Variants in HDAC9 observed in about 807,000 individuals in gnomAD.
HDAC9 encodes the protein histone deacetylase 9.
In HDAC9, 41 loss-of-function variants were observed where a neutral mutation model predicts 139.4. The observed-to-expected ratio is 0.29, with a 90% CI of 0.23 to 0.38. HDAC9 has a LOEUF of 0.38. Among genes scored for constraint, HDAC9 ranks in the 10% least tolerant of loss-of-function variants. HDAC9 has a pLI of 1.00. For missense variants in HDAC9, 1,147 were observed against 1,297.0 expected (o/e 0.88, Z 1.78); for synonymous variants, 517 against 476.2 (o/e 1.09, Z -1.12).
chr7:18,484,850 C>A (rs1368618521), intron 1 of HDAC9, among the ~76,000 whole-genome samples: 1 of 138,934 alleles, frequency 7.2e-6, no homozygotes, highest in Non-Finnish European at 1.6e-5. Context: ...AAGACCCCAC[C>A]TGTAAAAAAA....
At chr7:18,301,183 C>T (rs1798514757) in intron 1 of HDAC9, among the ~76,000 whole-genome samples, 1 of 151,794 alleles carries the variant, frequency 6.6e-6, no homozygotes, top group Admixed American at 6.6e-5. Flanking sequence ...AATAATATTC[C>T]CTCAAGTTAA....
In HDAC9 at chr7:18,869,147, G is replaced by GGTGTGTGTGTGTGTGT. The variant is rs58034239; in HGVS notation, c.2685-5306_2685-5291dup. ...GGGAAATTCCTGGACTCACAATTGG[G>GGTGTGTGTGTGTGTGT]GTGTGTGTGTGTGTGTGTGTGTGTG... On this transcript the variant is annotated intron_variant, in intron 21 of 25. Coordinates refer to ENST00000686413, the MANE Select transcript of HDAC9 (RefSeq NM_178425.4). Among the ~76,000 whole-genome samples the GGTGTGTGTGTGTGTGT allele has an allele frequency of 3.4e-3, 476 of 138,210 alleles. 1 individual carries two copies. The highest frequency in any genetic ancestry group is 0.013 in the African/African-American group (456 of 36,304). The allele number at this position is 138,210 out of a possible 152,430, so 90.7% of individuals were successfully genotyped here. A position where few individuals can be genotyped will look rare whatever the true frequency, so the allele number is the denominator to read the frequency against.
At chr7:18,992,721 T>G (rs748253393) in intron 25 of HDAC9, among the ~76,000 whole-genome samples, 5 of 152,192 alleles carry the variant, frequency 3.3e-5, no homozygotes, top group Non-Finnish European at 7.3e-5. Flanking sequence ...TTTTTTACTT[T>G]TGTAAATTAT....
chr7:18,595,427 T>G (rs1562505211), intron 6 of HDAC9, among the ~76,000 whole-genome samples: 2 of 151,984 alleles, frequency 1.3e-5, no homozygotes, highest in Non-Finnish European at 1.5e-5. Flanking sequence ...ATGAGTATAG[T>G]TTATGAAAAG....
chr7:18,571,616 ATT>A (rs1379590092), intron 2 of HDAC9, among the ~76,000 whole-genome samples: 20 of 151,500 alleles, frequency 1.3e-4, no homozygotes, highest in African/African-American at 3.9e-4. Flanking sequence ...ACTTTATTTT[ATT>A]TTTTATTTTT....
intron 11 of HDAC9, among the ~76,000 whole-genome samples, chr7:18,651,357 A>T (rs988452327): frequency 3.9e-5 from 6 of 152,214 alleles, no homozygotes; most frequent in African/African-American, 1.4e-4. Context: ...GAAGATGTTG[A>T]CATACAAATG....
rs1244274224 is a variant in HDAC9, at chr7:18,859,842, A to G, written c.2685-14636A>G. ...TATATATATATATATATATATATAT[A>G]TATATATATATATATATGTGAGAGA... is the stretch of plus-strand genomic sequence containing the variant. On this transcript the variant is annotated intron_variant, in intron 21 of 25. Transcript: ENST00000686413. 4.2e-4 allele frequency among the ~76,000 whole-genome samples: 54 copies of G among 129,554 alleles called. 1 individual carries two copies. The highest frequency in any genetic ancestry group is 1.3e-3 in the African/African-American group (48 of 36,366). 85.0% of individuals were successfully genotyped at this position (129,554 alleles called of 152,430 possible). A position where few individuals can be genotyped will look rare whatever the true frequency, so the allele number is the denominator to read the frequency against.
chr7:18,391,903 G>A (rs573314385), intron 1 of HDAC9, among the ~76,000 whole-genome samples: 1 of 152,294 alleles, frequency 6.6e-6, no homozygotes, highest in South Asian at 2.1e-4. Flanking sequence ...AGCCTGGTAT[G>A]TAGTAAGCAT....
In HDAC9 at chr7:18,855,814, T is replaced by C. The variant is rs78021280; in HGVS notation, c.2685-18664T>C. On this transcript the variant is annotated intron_variant, in intron 21 of 25. Coordinates refer to ENST00000686413, the MANE Select transcript of HDAC9 (RefSeq NM_178425.4). Reference sequence around the variant, plus strand: ...ATTCTATTACCAACTTGGTCTCTGTTTCCCAGCCTTTATGGTACCAAGAGA... The same window carrying C: ...ATTCTATTACCAACTTGGTCTCTGTCTCCCAGCCTTTATGGTACCAAGAGA... Among the ~76,000 whole-genome samples the C allele has an allele frequency of 5.6e-3, 847 of 152,238 alleles. 7 individuals are homozygous for C. Among genetic ancestry groups the C allele is most frequent in the African/African-American group, 0.019 (805 of 41,574 alleles).
intron 16 of HDAC9, among the ~76,000 whole-genome samples, chr7:18,791,912 A>T (rs1461020139): frequency 1.3e-5 from 2 of 152,182 alleles, no homozygotes; most frequent in African/African-American, 4.8e-5. Flanking sequence ...GTATTTTCAC[A>T]GATAAAGGAA....
intron 1 of HDAC9, among the ~76,000 whole-genome samples, chr7:18,139,804 G>C (rs187733740): frequency 1.3e-5 from 2 of 152,286 alleles, no homozygotes; most frequent in Non-Finnish European, 2.9e-5. Flanking sequence ...AATACGTACA[G>C]AAGGGAAGAA....
intron 12 of HDAC9, among the ~76,000 whole-genome samples, chr7:18,705,671 C>T (rs369124694): frequency 2.0e-5 from 3 of 151,358 alleles, no homozygotes; most frequent in Admixed American, 6.6e-5. Flanking sequence ...GCCAACATGC[C>T]GAAACCCCGT....
At chr7:18,165,399 AAC>A (rs530930163) in intron 2 of HDAC9, among the ~76,000 whole-genome samples, 183 of 152,286 alleles carry the variant, frequency 1.2e-3, no homozygotes, top group Non-Finnish European at 1.9e-3. Context: ...TAAACACAAA[AAC>A]ACATCATAAA....
chr7:18,809,413 G>A (rs1351522989), intron 17 of HDAC9, among the ~76,000 whole-genome samples: 1 of 151,942 alleles, frequency 6.6e-6, no homozygotes, highest in East Asian at 1.9e-4. Flanking sequence ...TGTGTAATGG[G>A]AGAAAATAGT....
intron 1 of HDAC9, among the ~76,000 whole-genome samples, chr7:18,424,819 C>T (rs1585801389): frequency 6.6e-6 from 1 of 152,176 alleles, no homozygotes; most frequent in African/African-American, 2.4e-5. Context: ...AGGAGAATCA[C>T]TTGAATCCAG....
At chr7:18,992,146 G>T (rs1786030922) in intron 25 of HDAC9, among the ~76,000 whole-genome samples, 1 of 152,136 alleles carries the variant, frequency 6.6e-6, no homozygotes, top group South Asian at 2.1e-4. Flanking sequence ...TTTGCTCTTG[G>T]GAATGTATAC....
At chr7:18,521,085 G>T (rs183330043) in intron 2 of HDAC9, among the ~76,000 whole-genome samples, 1 of 152,240 alleles carries the variant, frequency 6.6e-6, no homozygotes, top group African/African-American at 2.4e-5. Context: ...TTTTAAGAAT[G>T]CAGAAAACCT....
intron 2 of HDAC9, among the ~76,000 whole-genome samples, chr7:18,515,149 A>T (rs1018548063): frequency 1.3e-5 from 2 of 152,194 alleles, no homozygotes; most frequent in African/African-American, 4.8e-5. Flanking sequence ...TGGGTTTTAC[A>T]CCTACTATGG....
At chr7:18,182,653 C>A (rs146853081) in intron 2 of HDAC9, among the ~76,000 whole-genome samples, 1 of 152,094 alleles carries the variant, frequency 6.6e-6, no homozygotes, top group Non-Finnish European at 1.5e-5. Context: ...ATTTTACAGA[C>A]GGGAAATTGA....
Sources: gnomAD v4.1 joint callset for allele counts (sites outside exome capture counted in the v4.1 genomes callset) on GRCh38, gnomAD v4.1.1 for gene constraint, MANE v1.5 for transcripts, NCBI Gene and HGNC (gene_info 2026-07-23, HGNC 2026-07-21) for gene names.